Variants in TACC2 observed in about 807,000 individuals in gnomAD.
TACC2 encodes transforming acidic coiled-coil containing protein 2.
In TACC2, 137 loss-of-function variants were observed where a neutral mutation model predicts 227.3. The observed-to-expected ratio is 0.60, with a 90% confidence interval of 0.52 to 0.69. TACC2 has a LOEUF of 0.69. Ranked by LOEUF, TACC2 falls within the 30% of genes least tolerant of loss-of-function variation. The pLI is 0.00. For missense variants in TACC2, 3,470 were observed against 3,694.4 expected (o/e 0.94, Z 1.57); for synonymous variants, 1,523 against 1,487.5 (o/e 1.02, Z -0.55).
intron 1 of TACC2, among the ~76,000 whole-genome samples, chr10:121,994,442 C>G (rs1045986121): frequency 2.0e-5 from 3 of 152,216 alleles, no homozygotes; most frequent in Admixed American, 6.5e-5. Flanking sequence ...CTGGCGGCAC[C>G]TGCAGGCTCC....
At chr10:122,147,626 A>G (rs2091539155) in intron 7 of TACC2, among the ~76,000 whole-genome samples, 1 of 152,204 alleles carries the variant, frequency 6.6e-6, no homozygotes, top group Non-Finnish European at 1.5e-5. Flanking sequence ...TGATTCAATC[A>G]TGTATTTATA....
chr10:121,997,162 C>G (rs373884280), intron 1 of TACC2, among the ~76,000 whole-genome samples: 2 of 152,134 alleles, frequency 1.3e-5, no homozygotes, highest in African/African-American at 4.8e-5. Context: ...TTTGAGTATG[C>G]TTTCAATTGG....
chr10:122,101,723 C>CTTTTTT (rs1179126977), intron 5 of TACC2, among the ~76,000 whole-genome samples: 14 of 55,734 alleles, frequency 2.5e-4, no homozygotes, highest in African/African-American at 3.8e-4. Flanking sequence ...CCATGCCCAG[C>CTTTTTT]TTTTTTTTTT....
At chr10:122,227,052 T>C (rs994846645) in intron 13 of TACC2, among the ~76,000 whole-genome samples, 4 of 152,056 alleles carry the variant, frequency 2.6e-5, no homozygotes, top group African/African-American at 7.2e-5. Flanking sequence ...CTTGCAGGGA[T>C]TTGATGAAGA....
In TACC2 at chr10:122,198,354, G is replaced by A. The variant is rs140537152; in HGVS notation, c.5971+3178G>A. 2.2e-3 allele frequency among the ~76,000 whole-genome samples: 331 copies of A among 152,306 alleles called. 2 individuals are homozygous for A. Among genetic ancestry groups the A allele is most frequent in the African/African-American group, 7.7e-3 (319 of 41,572 alleles). On this transcript the variant is annotated intron_variant, in intron 8 of 22. Coordinates refer to ENST00000369005, the MANE Select transcript of TACC2 (RefSeq NM_206862.4). ...TGTGAAATGAAGAGGGTGATCTGTG[G>A]GTCCCTTCAGATCCTTCCAGCTCCG...
intron 9 of TACC2, among the ~76,000 whole-genome samples, chr10:122,212,857 ACT>A (rs2095325033): frequency 6.6e-6 from 1 of 151,992 alleles, no homozygotes; most frequent in Admixed American, 6.6e-5. Flanking sequence ...CCTACTAGAG[ACT>A]CTCTAGAATT....
Position 122,180,018 on chromosome 10 carries a change from G to A in TACC2, c.5835-15022G>A, listed in dbSNP as rs186059847. Reference sequence around the variant, plus strand: ...GAGGATCGCTTGAGCCCAAGAGGTCGAGGCTGCAGTGAGCCATGATTGCGC... The same window carrying A: ...GAGGATCGCTTGAGCCCAAGAGGTCAAGGCTGCAGTGAGCCATGATTGCGC... On this transcript the variant is annotated intron_variant, in intron 7 of 22. Transcript: ENST00000369005. The surrounding 1 kb of genome is among the most constrained non-coding windows in gnomAD (Gnocchi z 4.5). 6.0e-4 allele frequency among the ~76,000 whole-genome samples: 92 copies of A among 152,152 alleles called. No homozygotes were observed. The highest frequency in any genetic ancestry group is 2.1e-3 in the Admixed American group (32 of 15,278).
intron 7 of TACC2, among the ~76,000 whole-genome samples, chr10:122,185,148 G>A (rs1268905390): frequency 2.7e-5 from 4 of 150,222 alleles, no homozygotes; most frequent in African/African-American, 7.4e-5. Flanking sequence ...TTACAGGAGT[G>A]AGCCACTGTG....
chr10:122,071,978 C>CT (rs200019377), intron 3 of TACC2, among the ~76,000 whole-genome samples: 2,309 of 101,488 alleles, frequency 0.023, 146 homozygotes, highest in African/African-American at 0.073. Context: ...CCCAATAACT[C>CT]TTTTTTTTTT....
intron 7 of TACC2, among the ~76,000 whole-genome samples, chr10:122,162,028 G>A (rs1051456570): frequency 1.3e-5 from 2 of 152,174 alleles, no homozygotes; most frequent in African/African-American, 2.4e-5. Flanking sequence ...CGGCTTCCCC[G>A]GGAGGTGCTT....
chr10:122,105,915 G>A (rs1267577604), intron 5 of TACC2, among the ~76,000 whole-genome samples: 7 of 150,512 alleles, frequency 4.7e-5, no homozygotes, highest in South Asian at 4.2e-4. Context: ...GAGCCACTGC[G>A]CCTGGCCTGT....
intron 7 of TACC2, among the ~76,000 whole-genome samples, chr10:122,170,263 C>CTTTTTTTTTTTTT (rs34194262): frequency 1.6e-5 from 1 of 63,198 alleles, no homozygotes; most frequent in Non-Finnish European, 2.7e-5. Context: ...ATGATCAAGT[C>CTTTTTTTTTTTTT]TTTTTTTTTT....
At position 122,021,824 on chromosome 10, in the gene TACC2, A is replaced by AGG. The variant is rs1565088978; in HGVS notation, c.-45-112_-45-111insGG. The AGG allele has an allele frequency of 6.6e-5, 42 of 637,502 alleles. No homozygotes were observed. In the African/African-American group the frequency reaches 7.2e-4, roughly 11 times the overall value. 39.5% of individuals were successfully genotyped at this position (637,502 alleles called of 1,614,324 possible). ...AAGTAATTTTCCATGATGTGACCGT[A>AGG]GAGATAAACATTTCCCATCATCTGG... On this transcript the variant is annotated intron_variant, in intron 1 of 22. Coordinates refer to ENST00000369005, the MANE Select transcript of TACC2 (RefSeq NM_206862.4).
At chr10:122,202,898 A>C (rs1284658783) in intron 8 of TACC2, among the ~76,000 whole-genome samples, 1 of 151,020 alleles carries the variant, frequency 6.6e-6, no homozygotes, top group Non-Finnish European at 1.5e-5. Flanking sequence ...CTGTTTAACA[A>C]AGCACATCTT....
intron 3 of TACC2, chr10:122,051,896 G>T (rs2075744176): frequency 6.6e-6 from 1 of 151,442 alleles, no homozygotes; most frequent in Non-Finnish European, 1.5e-5. Context: ...AGTACTTGGG[G>T]CATCTTGGCA....
At chr10:122,214,962 A>T (rs959306815) in intron 9 of TACC2, among the ~76,000 whole-genome samples, 4 of 152,084 alleles carry the variant, frequency 2.6e-5, no homozygotes, top group Non-Finnish European at 4.4e-5. Context: ...TCAGTTGTTC[A>T]TTAAGTGAGG....
At chr10:122,231,070 T>C (rs565092721) in intron 16 of TACC2, among the ~76,000 whole-genome samples, 10 of 152,366 alleles carry the variant, frequency 6.6e-5, no homozygotes, top group African/African-American at 2.4e-4. Flanking sequence ...TGTTTGTTTT[T>C]TTACAAAAAA....
At chr10:122,044,170 C>T (rs11200366) in intron 2 of TACC2, among the ~76,000 whole-genome samples, 27,828 of 152,280 alleles carry the variant, frequency 0.18, 3,055 homozygotes, top group Admixed American at 0.27. Context: ...TCTGCTCTAT[C>T]GTGCTGTATC....
chr10:121,992,090 G>A (rs984181447), intron 1 of TACC2, among the ~76,000 whole-genome samples: 5 of 152,176 alleles, frequency 3.3e-5, no homozygotes, highest in East Asian at 1.9e-4. Context: ...GATGAGATCC[G>A]GGTGGGGACA....
Sources: gnomAD v4.1 joint callset for allele counts (sites outside exome capture counted in the v4.1 genomes callset) on GRCh38, gnomAD v4.1.1 for gene constraint, Gnocchi (gnomAD v3.1) non-coding constraint, MANE v1.5 for transcripts, NCBI Gene and HGNC (gene_info 2026-07-23, HGNC 2026-07-21) for gene names.